PHF20: variants seen among roughly 807,000 people sequenced by gnomAD.
PHF20 encodes PHD finger protein 20.
A neutral mutation model predicts 113.5 loss-of-function variants in PHF20; 23 were observed. That is an observed-to-expected ratio of 0.20 (90% CI 0.15 to 0.29). The LOEUF (loss-of-function observed/expected upper bound fraction) is 0.29, where lower values mean the gene tolerates loss of function less well. Among genes scored for constraint, PHF20 ranks in the 10% least tolerant of loss-of-function variants. The pLI is 1.00. For synonymous variants in PHF20, 434 were observed against 457.3 expected (o/e 0.95, Z 0.65); for missense variants, 943 against 1,219.6 (o/e 0.77, Z 3.38).
chr20:35,794,861 CAG>C (rs985834653), intron 1 of PHF20, among the ~76,000 whole-genome samples: 1 of 151,624 alleles, frequency 6.6e-6, no homozygotes, highest in East Asian at 1.9e-4. Flanking sequence ...AAATAAAACC[CAG>C]AGTCTTTGTC....
At chr20:35,870,685 A>G (rs2054405181) in intron 7 of PHF20, among the ~76,000 whole-genome samples, 1 of 149,928 alleles carries the variant, frequency 6.7e-6, no homozygotes, top group South Asian at 2.1e-4. Flanking sequence ...AAGCCCCAAA[A>G]TAGAACATAG....
At chr20:35,791,025 A>AT (rs1416052132) in intron 1 of PHF20, among the ~76,000 whole-genome samples, 1 of 151,740 alleles carries the variant, frequency 6.6e-6, no homozygotes, top group Non-Finnish European at 1.5e-5. Flanking sequence ...TGCCCGGCTA[A>AT]TTTTTGTATT....
chr20:35,877,258 C>G (rs924884995), intron 9 of PHF20, among the ~76,000 whole-genome samples: 1 of 135,526 alleles, frequency 7.4e-6, no homozygotes, highest in African/African-American at 2.8e-5. Context: ...CCACTGCTCT[C>G]CAGCCTGAGA....
chr20:35,797,978 T>C (rs773286807), intron 1 of PHF20, among the ~76,000 whole-genome samples: 3 of 152,172 alleles, frequency 2.0e-5, no homozygotes, highest in Admixed American at 6.6e-5. Flanking sequence ...AGATAGCTTA[T>C]TGTCCTTCAC....
chr20:35,776,848 A>G (rs1010221022), intron 1 of PHF20, among the ~76,000 whole-genome samples: 1 of 152,174 alleles, frequency 6.6e-6, no homozygotes, highest in African/African-American at 2.4e-5. Flanking sequence ...TTGTAAAATG[A>G]GGGGCTGATG....
At chr20:35,910,764 G>C (rs1392242538) in intron 10 of PHF20, among the ~76,000 whole-genome samples, 3 of 152,088 alleles carry the variant, frequency 2.0e-5, no homozygotes, top group Admixed American at 1.3e-4. Flanking sequence ...AAGTAGCTGG[G>C]ATTACAGGCA....
At chr20:35,816,531 C>T (rs545649087) in intron 2 of PHF20, among the ~76,000 whole-genome samples, 1 of 150,932 alleles carries the variant, frequency 6.6e-6, no homozygotes, top group East Asian at 2.0e-4. Flanking sequence ...GTCACTGCAA[C>T]CTCTGCCTCC....
intron 2 of PHF20, among the ~76,000 whole-genome samples, chr20:35,820,464 T>G (rs1450122752): frequency 2.0e-5 from 3 of 150,458 alleles, no homozygotes; most frequent in Admixed American, 1.3e-4. Context: ...TTTTTTTTTT[T>G]GTGAGATGGA....
chr20:35,786,716 G>A (rs1371811804), intron 1 of PHF20, among the ~76,000 whole-genome samples: 1 of 152,076 alleles, frequency 6.6e-6, no homozygotes, highest in African/African-American at 2.4e-5. Flanking sequence ...TCACTCCAGA[G>A]CTATAGACTA....
chr20:35,870,927 G>C, intron 7 of PHF20, 28 bp from the exon 8 acceptor site: 1 of 1,539,696 alleles, frequency 6.5e-7, no homozygotes, highest in African/African-American at 1.4e-5. Flanking sequence ...TTGGTCTCTT[G>C]ACTACAACTC....
At chr20:35,823,025 G>T (rs2042197192) in intron 2 of PHF20, among the ~76,000 whole-genome samples, 1 of 151,934 alleles carries the variant, frequency 6.6e-6, no homozygotes, top group Non-Finnish European at 1.5e-5. Flanking sequence ...AAGGTTTGCT[G>T]CTGGTGTTGT....
chr20:35,871,115 T>A lies in PHF20; in HGVS notation c.1083T>A (p.Ser361Arg). 1 of 1,609,786 alleles carries A rather than the reference T, an allele frequency of 6.2e-7. No individual in the cohort carries two copies. The highest frequency in any genetic ancestry group is 8.5e-7 in the Non-Finnish European group (1 of 1,179,162). The change falls in exon 8 of 18, where the codon AGT becomes AGA. Residue 361 changes from serine (S) to arginine (R), a missense_variant. Around this residue, in one of 3 missense-constraint regions of PHF20, gnomAD observed 592 missense variants for 787.2 expected, o/e 0.75. Transcript: ENST00000374012. ...DTDPLQDTLS[S>R]TKESEEGQLK... ...ATCCTTTGCAAGACACGTTGTCTAG[T>A]ACCAAGGAATCTGAAGAAGGTGAGT...
At chr20:35,857,191 A>T (rs377552019) in intron 4 of PHF20, among the ~76,000 whole-genome samples, 4 of 152,172 alleles carry the variant, frequency 2.6e-5, no homozygotes, top group African/African-American at 9.7e-5. Context: ...ATTAATTGTG[A>T]TTATTTTAAA....
intron 15 of PHF20, among the ~76,000 whole-genome samples, chr20:35,935,324 C>T (rs116021125): frequency 2.0e-5 from 3 of 152,218 alleles, no homozygotes; most frequent in Non-Finnish European, 4.4e-5. Flanking sequence ...TACAGAAATG[C>T]CAGTGTTCCT....
chr20:35,903,512 C>A (rs2055143131), intron 10 of PHF20, among the ~76,000 whole-genome samples: 1 of 152,130 alleles, frequency 6.6e-6, no homozygotes, highest in Admixed American at 6.6e-5. Context: ...TTTCTGTACC[C>A]TCTCAGTGAG....
chr20:35,860,927 G>C (rs1051380375), intron 5 of PHF20, among the ~76,000 whole-genome samples: 12 of 152,100 alleles, frequency 7.9e-5, no homozygotes, highest in African/African-American at 2.9e-4. Flanking sequence ...ACAGTGCTTT[G>C]GCTTGGAGGT....
intron 2 of PHF20, among the ~76,000 whole-genome samples, chr20:35,804,679 T>C (rs1261765455): frequency 1.3e-5 from 2 of 151,912 alleles, no homozygotes; most frequent in South Asian, 4.1e-4. Context: ...GCCCGTTTAT[T>C]TATTTATTAT....
chr20:35,921,627 C>T (rs879887105), intron 13 of PHF20, among the ~76,000 whole-genome samples: 2 of 151,880 alleles, frequency 1.3e-5, no homozygotes, highest in Non-Finnish European at 2.9e-5. Flanking sequence ...AAGGCTGCAG[C>T]GAGCCCTGGT....
At chr20:35,907,984 G>A (rs1182189115) in intron 10 of PHF20, among the ~76,000 whole-genome samples, 1 of 152,174 alleles carries the variant, frequency 6.6e-6, no homozygotes, top group Non-Finnish European at 1.5e-5. Context: ...GGCATATTAG[G>A]CATCTATAAT....
Sources: allele counts gnomAD v4.1 joint callset (sites outside exome capture counted in the v4.1 genomes callset), GRCh38; gene constraint gnomAD v4.1.1; regional missense constraint gnomAD v4.1.1; transcripts MANE v1.5; gene names NCBI Gene and HGNC (gene_info 2026-07-23, HGNC 2026-07-21).